Variants in ZNF131 observed in about 807,000 individuals in gnomAD.
The protein encoded by ZNF131 is zinc finger and BTB domain containing 35, also known as zinc finger protein 131.
Under a neutral mutation model 60.0 loss-of-function variants are expected in ZNF131, and 7 were observed. The ratio of observed to expected loss-of-function variants is 0.12; its 90% confidence interval spans 0.07 to 0.22. ZNF131 has a LOEUF of 0.22. Among genes scored for constraint, ZNF131 ranks in the 10% least tolerant of loss-of-function variants. The probability of loss-of-function intolerance (pLI) is 1.00; values close to 1 mark genes in which losing one functional copy is unlikely to be tolerated. For missense variants in ZNF131, 493 were observed against 740.9 expected, an observed-to-expected ratio of 0.67 and a Z score of 3.88; for synonymous variants, 257 against 253.2, an observed-to-expected ratio of 1.01 and a Z score of -0.14.
At chr5:43,146,664 T>C (rs1485717330) in intron 4 of ZNF131, among the ~76,000 whole-genome samples, 1 of 152,012 alleles carries the variant, frequency 6.6e-6, no homozygotes, top group African/African-American at 2.4e-5. Flanking sequence ...CCTAGCACTT[T>C]GGAAGGCCGA....
chr5:43,173,630 A>G (rs962006507), intron 6 of ZNF131, among the ~76,000 whole-genome samples, 182 bp downstream of exon 6: 7 of 152,142 alleles, frequency 4.6e-5, no homozygotes, highest in Admixed American at 2.0e-4. Context: ...ACCCTAGATG[A>G]CACCAATGTC....
At chr5:43,171,240 AC>A (rs1426133099) in intron 5 of ZNF131, among the ~76,000 whole-genome samples, 1 of 151,736 alleles carries the variant, frequency 6.6e-6, no homozygotes, top group African/African-American at 2.4e-5. Flanking sequence ...GAGCCACCGC[AC>A]CTGGTCTGTC....
chr5:43,133,599 TAC>T (rs1745644704), intron 3 of ZNF131, among the ~76,000 whole-genome samples: 1 of 152,228 alleles, frequency 6.6e-6, no homozygotes, highest in South Asian at 2.1e-4. Flanking sequence ...TGAAGTAGTT[TAC>T]AGTCAAGAGA....
Position 43,161,597 on chromosome 5 carries a change from G to C in ZNF131, c.720G>C (p.Thr240=), listed in dbSNP as rs201737704. ...IKEDGCPSDP[T]SKQVEGIEIV... ...AAGATGGCTGTCCATCTGACCCCAC[G>C]AGCAAACAGGTAGAAGGTATTGAAA... The change falls in exon 5 of 7, where the codon ACG becomes ACC. Residue 240 remains threonine, a synonymous_variant. Coordinates refer to ENST00000682664, the MANE Select transcript of ZNF131 (RefSeq NM_001330707.2). 6.2e-7 allele frequency: 1 copy of C among 1,614,224 alleles called. No homozygotes were observed. The highest frequency in any genetic ancestry group is 8.5e-7 in the Non-Finnish European group (1 of 1,180,044).
intron 4 of ZNF131, among the ~76,000 whole-genome samples, chr5:43,158,113 C>T (rs563248064): frequency 2.9e-4 from 44 of 152,264 alleles, no homozygotes; most frequent in African/African-American, 9.9e-4. Context: ...GGATTGCAGG[C>T]ATGCACCGCC....
At chr5:43,140,979 A>G (rs917278950) in intron 4 of ZNF131, among the ~76,000 whole-genome samples, 1 of 152,132 alleles carries the variant, frequency 6.6e-6, no homozygotes, top group African/African-American at 2.4e-5. Flanking sequence ...TCAGCCTCCC[A>G]AAGTGCTGGG....
intron 5 of ZNF131, among the ~76,000 whole-genome samples, chr5:43,169,645 C>T (rs1269203476): frequency 2.6e-5 from 4 of 152,200 alleles, no homozygotes; most frequent in African/African-American, 9.7e-5. Context: ...ATATCATCAA[C>T]TACTATTGAT....
chr5:43,147,668 G>A (rs1456854301), intron 4 of ZNF131, among the ~76,000 whole-genome samples: 1 of 150,778 alleles, frequency 6.6e-6, no homozygotes, highest in Non-Finnish European at 1.5e-5. Context: ...TGATCCACCT[G>A]CCTCGGCCTC....
At chr5:43,148,773 C>CAT (rs1163877704) in intron 4 of ZNF131, among the ~76,000 whole-genome samples, 7 of 152,150 alleles carry the variant, frequency 4.6e-5, no homozygotes, top group Non-Finnish European at 1.5e-5. Context: ...ATAAGCTGCA[C>CAT]ATATTAAAGT....
chr5:43,126,428 G>A (rs200778875), intron 3 of ZNF131, among the ~76,000 whole-genome samples: 2 of 152,236 alleles, frequency 1.3e-5, no homozygotes, highest in East Asian at 3.9e-4. Flanking sequence ...AGTTCTCAGC[G>A]CCTTTCCTCT....
At position 43,173,394 on chromosome 5, in the gene ZNF131, A is replaced by C. The variant is rs1208861320; in HGVS notation, c.1131A>C (p.Ala377=). The C allele has an allele frequency of 6.2e-7, 1 of 1,613,454 alleles. No homozygotes were observed. ...RNSTLKCHLT[A]CQTGVGAKKG... is the part of the protein sequence containing the mutation. ...GCACTCTGAAATGTCACCTCACTGC[A>C]TGCCAAACTGGAGTAGGGGCAAAAA... Residue 377 remains alanine (A), a synonymous_variant, in exon 6 of 7, where the codon GCA becomes GCC. Coordinates refer to ENST00000682664, the MANE Select transcript of ZNF131 (RefSeq NM_001330707.2).
Position 43,137,609 on chromosome 5 carries a change from TATAA to T in ZNF131, c.227-1549_227-1546del, listed in dbSNP as rs368067890. ...AAAAGACAACTAGTATTGGTGAGGA[TATAA>T]ATAAATTGGAATCCTTGCACAATGT... On this transcript the variant is annotated intron_variant, in intron 3 of 6. Coordinates refer to ENST00000682664, the MANE Select transcript of ZNF131 (RefSeq NM_001330707.2). Among the ~76,000 whole-genome samples, 494 of 151,298 alleles carry T rather than the reference TATAA, an allele frequency of 3.3e-3. 1 individual carries two copies. Among genetic ancestry groups the T allele is most frequent in the African/African-American group, 0.012 (481 of 41,318 alleles).
intron 3 of ZNF131, among the ~76,000 whole-genome samples, chr5:43,137,694 T>TA (rs1420237786): frequency 3.3e-5 from 5 of 152,172 alleles, no homozygotes. Context: ...CTTAAAAAAT[T>TA]AAAATACCAT....
chr5:43,137,620 T>G (rs1010617440), intron 3 of ZNF131, among the ~76,000 whole-genome samples: 5 of 151,868 alleles, frequency 3.3e-5, no homozygotes, highest in Non-Finnish European at 7.4e-5. Flanking sequence ...ATAAATAAAT[T>G]GGAATCCTTG....
intron 3 of ZNF131, among the ~76,000 whole-genome samples, chr5:43,133,379 C>G (rs115090591): frequency 6.6e-6 from 1 of 152,224 alleles, no homozygotes; most frequent in South Asian, 2.1e-4. Flanking sequence ...GCAGGAGAAT[C>G]GTTTCGATCT....
At chr5:43,171,644 A>T (rs1270021815) in intron 5 of ZNF131, among the ~76,000 whole-genome samples, 1 of 151,890 alleles carries the variant, frequency 6.6e-6, no homozygotes, top group African/African-American at 2.4e-5. Context: ...TTTTTTTGAG[A>T]TGGAGTCTCG....
chr5:43,167,657 A>G (rs1750526689), intron 5 of ZNF131, among the ~76,000 whole-genome samples: 1 of 152,200 alleles, frequency 6.6e-6, no homozygotes, highest in African/African-American at 2.4e-5. Context: ...GAAAATAGTA[A>G]TGATAATGCC....
chr5:43,173,158 G>T, intron 5 of ZNF131, 160 bp from the exon 6 acceptor site: 1 of 709,648 alleles, frequency 1.4e-6, no homozygotes, highest in South Asian at 3.1e-5. Flanking sequence ...CTCTAGAAAA[G>T]TCTTTGGAAT....
rs761654697 is a variant in ZNF131, at chr5:43,161,283, A to C, written c.406A>C (p.Thr136Pro). The change falls in exon 5 of 7, where the codon ACC becomes CCC. Residue 136 changes from threonine (T) to proline (P), a missense_variant. By Grantham distance (38) the Thr-to-Pro change is conservative. This residue lies in a region of ZNF131 where 138 missense variants were observed against 158.7 expected (regional missense o/e 0.87). Transcript: ENST00000682664. ...AAACTCAGCTCCCTTAGAGGAAAAT[A>C]CCACAGGAAAAAATGAGGCCAAAAA... ...KENSAPLEEN[T>P]TGKNEAKKRK... The C allele has an allele frequency of 2.8e-5, 45 of 1,612,470 alleles. No individual in the cohort carries two copies. The highest frequency in any genetic ancestry group is 3.8e-5 in the Non-Finnish European group (45 of 1,179,654).
Sources: gnomAD v4.1 joint callset for allele counts (sites outside exome capture counted in the v4.1 genomes callset) on GRCh38, gnomAD v4.1.1 for gene constraint, gnomAD v4.1.1 regional missense constraint, MANE v1.5 for transcripts, NCBI Gene and HGNC (gene_info 2026-07-23, HGNC 2026-07-21) for gene names.